Variants in TTI2 observed in about 807,000 individuals in gnomAD.
TTI2 encodes TELO2-interacting protein 2.
A neutral mutation model predicts 44.9 loss-of-function variants in TTI2; 26 were observed. That is an observed-to-expected ratio of 0.58 (90% CI 0.42 to 0.80). The LOEUF (loss-of-function observed/expected upper bound fraction) is 0.80. TTI2 is among the 30% of genes least tolerant of loss of function. The pLI, the probability that TTI2 is intolerant of heterozygous loss-of-function variation, is 0.00. For synonymous variants in TTI2, 254 were observed against 250.9 expected (o/e 1.01, Z -0.12); for missense variants, 582 against 611.6 (o/e 0.95, Z 0.51).
At chr8:33,506,422 C>T (rs1269998280) in intron 4 of TTI2, among the ~76,000 whole-genome samples, 5 of 142,358 alleles carry the variant, frequency 3.5e-5, no homozygotes, top group African/African-American at 1.0e-4. Flanking sequence ...GATGGAGTCT[C>T]GCTCTGTCAC....
intron 6 of TTI2, among the ~76,000 whole-genome samples, chr8:33,502,034 C>T (rs1420772730): frequency 6.6e-6 from 1 of 152,152 alleles, no homozygotes; most frequent in African/African-American, 2.4e-5. Context: ...ACCTCTGCCT[C>T]CTGGGTCCAA....
At chr8:33,511,900 AAAT>A in intron 2 of TTI2, 64 bp downstream of exon 2, 1 of 1,516,834 alleles carries the variant, frequency 6.6e-7, no homozygotes, top group South Asian at 1.2e-5. Flanking sequence ...GAAAATAAAT[AAAT>A]AATAAAAAAT....
chr8:33,499,332 C>T (rs1808977533), intron 7 of TTI2, 55 bp from the exon 8 acceptor site: 1 of 1,271,616 alleles, frequency 7.9e-7, no homozygotes. Flanking sequence ...ATTACTTTCC[C>T]CTTTTGCTTG....
At chr8:33,502,319 T>A (rs79047586) in intron 6 of TTI2, among the ~76,000 whole-genome samples, 2,322 of 152,314 alleles carry the variant, frequency 0.015, 71 homozygotes, top group African/African-American at 0.053. Flanking sequence ...TCAATTAGAT[T>A]TAAAGAACAT....
rs965225694 is a variant in TTI2 at position 33,500,129 on chromosome 8, A to G, written c.1422+199T>C. 3 of 578,074 alleles carry G rather than the reference A, an allele frequency of 5.2e-6. No homozygotes were observed. The Admixed American group carries it at 9.3e-5, about 18-fold the overall frequency. The allele number at this position is 578,074 out of a possible 1,614,324, so 35.8% of individuals were successfully genotyped here. A position where few individuals can be genotyped will look rare whatever the true frequency, so the allele number is the denominator to read the frequency against. The stretch of plus-strand genomic sequence containing the variant: ...CTGATCCTCCTGCCTTTAGTTCTAA[A>G]TGGTTCTGAATAGCTTTAAAAGATG... On this transcript the variant is annotated intron_variant, in intron 7 of 7. Coordinates refer to ENST00000431156, the MANE Select transcript of TTI2 (RefSeq NM_001102401.4).
chr8:33,501,635 G>A (rs984795539), intron 6 of TTI2, among the ~76,000 whole-genome samples: 2 of 152,196 alleles, frequency 1.3e-5, no homozygotes, highest in African/African-American at 2.4e-5. Flanking sequence ...TTATAATTCC[G>A]TAGGGAGAAA....
chr8:33,507,445 T>C, intron 3 of TTI2, 124 bp from the exon 4 acceptor site: 4 of 797,072 alleles, frequency 5.0e-6, no homozygotes, highest in Non-Finnish European at 8.6e-6. Context: ...ATATGCATGA[T>C]TGTTTCGAGT....
At chr8:33,511,913 T>TA in intron 2 of TTI2, 54 bp downstream of exon 2, 1 of 1,567,666 alleles carries the variant, frequency 6.4e-7, no homozygotes, top group Non-Finnish European at 8.7e-7. Context: ...TAATAAAAAA[T>TA]AAAAATAAAA....
chr8:33,509,119 A>T (rs1422963392), intron 3 of TTI2, among the ~76,000 whole-genome samples: 1 of 125,280 alleles, frequency 8.0e-6, no homozygotes, highest in East Asian at 2.4e-4. Context: ...CAGGCGACAG[A>T]GTGATAATGT....
intron 4 of TTI2, among the ~76,000 whole-genome samples, chr8:33,505,869 G>A (rs1305629261): frequency 6.6e-6 from 1 of 152,136 alleles, no homozygotes; most frequent in African/African-American, 2.4e-5. Context: ...TAGCCAGGAT[G>A]GTCTCGATCT....
chr8:33,502,387 C>T (rs1351283738), intron 6 of TTI2, among the ~76,000 whole-genome samples: 1 of 152,088 alleles, frequency 6.6e-6, no homozygotes, highest in Non-Finnish European at 1.5e-5. Context: ...GACCTTTAAT[C>T]TTCTAATATG....
intron 3 of TTI2, among the ~76,000 whole-genome samples, chr8:33,508,087 T>TAAAAAAAAAAAAAAA (rs58891946): frequency 1.0e-4 from 2 of 19,494 alleles, no homozygotes; most frequent in Non-Finnish European, 1.8e-4. Flanking sequence ...CTAGCGGTAG[T>TAAAAAAAAAAAAAAA]AAAAAAAAAA....
intron 6 of TTI2, among the ~76,000 whole-genome samples, chr8:33,502,457 A>ATT (rs35823991): frequency 2.0e-5 from 3 of 147,734 alleles, no homozygotes; most frequent in African/African-American, 7.4e-5. Context: ...TGACCACAGA[A>ATT]TTTTTTTTTT....
Position 33,503,739 on chromosome 8 carries a change from G to C in TTI2, c.1115+9C>G. ...TAAAATAATAATAAATAAAAGCCCA[G>C]GGCCTCACCTGTTCACGAAAGCCGG... On this transcript the variant is annotated intron_variant, in intron 5 of 7. Coordinates refer to ENST00000431156, the MANE Select transcript of TTI2 (RefSeq NM_001102401.4). The C allele has an allele frequency of 6.2e-7, 1 of 1,613,040 alleles. No homozygotes were observed. Among genetic ancestry groups the C allele is most frequent in the Non-Finnish European group, 8.5e-7 (1 of 1,179,764 alleles).
chr8:33,512,651 G>A lies in TTI2; in HGVS notation c.-38C>T, dbSNP rs200765164. On this transcript the variant is annotated 5_prime_UTR_variant, in exon 2 of 8. Transcript: ENST00000431156. ...CACCAGAAGGCTGGTCTCTCCCACA[G>A]AACGAGGATGGAGGCGGGGAGGGAT... is the stretch of plus-strand genomic sequence containing the variant. The A allele has an allele frequency of 1.1e-5, 17 of 1,606,996 alleles. No homozygotes were observed. In the East Asian group the frequency reaches 1.8e-4, roughly 17 times the overall value.
chr8:33,511,531 G>A (rs1809527445), intron 2 of TTI2, among the ~76,000 whole-genome samples: 2 of 152,168 alleles, frequency 1.3e-5, no homozygotes, highest in African/African-American at 2.4e-5. Context: ...AGAGATCCGT[G>A]GTTACAGCAC....
intron 4 of TTI2, 110 bp downstream of exon 4, chr8:33,507,119 T>G: frequency 2.0e-6 from 2 of 975,782 alleles, no homozygotes; most frequent in South Asian, 2.8e-5. Flanking sequence ...GTTATCATCC[T>G]CACTTTCCAA....
intron 2 of TTI2, 47 bp from the exon 3 acceptor site, chr8:33,509,979 CAA>C (rs10588315): frequency 0.12 from 49,863 of 403,266 alleles, 311 homozygotes; most frequent in African/African-American, 0.16. Flanking sequence ...TGATAAGTAG[CAA>C]AAAAAAAAAA....
intron 4 of TTI2, among the ~76,000 whole-genome samples, chr8:33,505,708 C>CA (rs1257534175): frequency 2.0e-5 from 3 of 152,100 alleles, no homozygotes; most frequent in African/African-American, 7.2e-5. Context: ...GGCTGGAGTG[C>CA]AGTGGCGCGA....
Sources: gnomAD v4.1 joint callset for allele counts (sites outside exome capture counted in the v4.1 genomes callset) on GRCh38, gnomAD v4.1.1 for gene constraint, MANE v1.5 for transcripts, NCBI Gene and HGNC (gene_info 2026-07-23, HGNC 2026-07-21) for gene names.